The following ZMAT4 variants were observed in gnomAD, a reference collection of about 807,000 sequenced individuals.
ZMAT4 encodes zinc finger matrin-type 4, also known as zinc finger matrin-type protein 4.
A neutral mutation model predicts 28.7 loss-of-function variants in ZMAT4; 17 were observed. That is an observed-to-expected ratio of 0.59 (90% confidence interval 0.41 to 0.89). The LOEUF (loss-of-function observed/expected upper bound fraction) is 0.89. Among genes scored for constraint, ZMAT4 ranks in the 40% least tolerant of loss-of-function variants. ZMAT4 has a pLI of 0.00. For missense variants in ZMAT4, 240 were observed against 283.8 expected, an observed-to-expected ratio of 0.85 and a Z score of 1.11; for synonymous variants, 117 against 109.2, an observed-to-expected ratio of 1.07 and a Z score of -0.44.
intron 5 of ZMAT4, among the ~76,000 whole-genome samples, chr8:40,617,380 A>G (rs1030039306): frequency 6.6e-6 from 1 of 152,220 alleles, no homozygotes; most frequent in Non-Finnish European, 1.5e-5. Flanking sequence ...ATTTTAGACA[A>G]GAAGAACCTA....
intron 3 of ZMAT4, among the ~76,000 whole-genome samples, chr8:40,759,505 C>T (rs941504110): frequency 6.6e-6 from 1 of 152,128 alleles, no homozygotes; most frequent in Non-Finnish European, 1.5e-5. Context: ...CCATATGCCA[C>T]CTGAACTGCC....
chr8:40,866,185 A>T (rs1817671538), intron 1 of ZMAT4, among the ~76,000 whole-genome samples: 1 of 152,214 alleles, frequency 6.6e-6, no homozygotes, highest in Non-Finnish European at 1.5e-5. Context: ...TAAACCAGGG[A>T]TGATGGCTGC....
chr8:40,637,472 G>A (rs954097156), intron 5 of ZMAT4, among the ~76,000 whole-genome samples: 1 of 152,124 alleles, frequency 6.6e-6, no homozygotes, highest in African/African-American at 2.4e-5. Context: ...GGCATTAATA[G>A]GTAATTCCTT....
intron 5 of ZMAT4, among the ~76,000 whole-genome samples, chr8:40,590,461 G>T (rs1002756096): frequency 1.3e-5 from 2 of 151,714 alleles, no homozygotes; most frequent in Non-Finnish European, 2.9e-5. Flanking sequence ...CTCCCCTAAG[G>T]TTTTGTTTAC....
chr8:40,581,344 G>A (rs557776178), intron 5 of ZMAT4, 83 bp from the exon 6 acceptor site: 80 of 1,197,978 alleles, frequency 6.7e-5, no homozygotes, highest in Non-Finnish European at 9.4e-5. Context: ...GAAGTTCAGG[G>A]ACACAGTGTC....
In ZMAT4 at chr8:40,633,084, C is replaced by T. The variant is rs1038299376; in HGVS notation, c.577+41620G>A. 8.0e-5 allele frequency among the ~76,000 whole-genome samples: 12 copies of T among 149,272 alleles called. No individual in the cohort carries two copies. The East Asian group carries it at 8.1e-4, about 10-fold the overall frequency. ...GGGCTGGGAGGGTAGGTTTGGATGACGAGAAGATTACAATTCATTACAGAA... is the reference window on the plus strand; with the variant it reads ...GGGCTGGGAGGGTAGGTTTGGATGATGAGAAGATTACAATTCATTACAGAA... On this transcript the variant is annotated intron_variant, in intron 5 of 6. Transcript: ENST00000297737.
chr8:40,631,479 A>G (rs1165260992), intron 5 of ZMAT4, among the ~76,000 whole-genome samples: 1 of 148,760 alleles, frequency 6.7e-6, no homozygotes, highest in Non-Finnish European at 1.5e-5. Flanking sequence ...CTTTGATGCC[A>G]TTATTTTACA....
chr8:40,569,254 T>G (rs1381540392), intron 6 of ZMAT4, among the ~76,000 whole-genome samples: 4 of 152,184 alleles, frequency 2.6e-5, no homozygotes, highest in Admixed American at 2.0e-4. Context: ...CTCTCCCTAC[T>G]TCCCCAGCAA....
chr8:40,674,615 CAAG>C (rs1181248006), intron 5 of ZMAT4, 86 bp downstream of exon 5: 4 of 1,072,782 alleles, frequency 3.7e-6, no homozygotes, highest in East Asian at 2.4e-5. Context: ...ATAATTAAAG[CAAG>C]AAGAAGAATC....
At chr8:40,846,499 G>A (rs1816904279) in intron 1 of ZMAT4, among the ~76,000 whole-genome samples, 1 of 152,182 alleles carries the variant, frequency 6.6e-6, no homozygotes, top group Admixed American at 6.5e-5. Context: ...CTGGGTGTTT[G>A]ATCACCTCCT....
chr8:40,781,484 C>T (rs988893025), intron 2 of ZMAT4, among the ~76,000 whole-genome samples: 6 of 152,034 alleles, frequency 3.9e-5, no homozygotes, highest in Non-Finnish European at 7.4e-5. Context: ...TAAATAAGGC[C>T]GGGCGCGGTG....
At chr8:40,643,069 A>G (rs916264741) in intron 5 of ZMAT4, among the ~76,000 whole-genome samples, 3 of 152,208 alleles carry the variant, frequency 2.0e-5, no homozygotes, top group Admixed American at 6.5e-5. Flanking sequence ...ATTCTGAGCT[A>G]TGAGGTGCAG....
At chr8:40,705,196 A>C (rs535021814) in intron 3 of ZMAT4, among the ~76,000 whole-genome samples, 37 of 152,326 alleles carry the variant, frequency 2.4e-4, no homozygotes, top group Admixed American at 7.2e-4. Context: ...CATTGAAGAA[A>C]TATTTAAACA....
At chr8:40,554,682 A>G (rs979913256) in intron 6 of ZMAT4, among the ~76,000 whole-genome samples, 2 of 152,134 alleles carry the variant, frequency 1.3e-5, no homozygotes, top group Non-Finnish European at 1.5e-5. Context: ...AATTTAATTG[A>G]TGCATAGTAT....
intron 3 of ZMAT4, among the ~76,000 whole-genome samples, chr8:40,741,000 A>G (rs892097634): frequency 2.7e-5 from 4 of 150,480 alleles, no homozygotes; most frequent in South Asian, 2.1e-4. Context: ...GCGCACACAC[A>G]CACACACACA....
chr8:40,609,322 G>A (rs932116053), intron 5 of ZMAT4, among the ~76,000 whole-genome samples: 1 of 152,204 alleles, frequency 6.6e-6, no homozygotes, highest in Non-Finnish European at 1.5e-5. Context: ...TTGCAGATGA[G>A]TGAAAATCAG....
intron 5 of ZMAT4, among the ~76,000 whole-genome samples, chr8:40,646,222 G>A (rs1377939016): frequency 6.6e-6 from 1 of 151,140 alleles, no homozygotes; most frequent in Non-Finnish European, 1.5e-5. Flanking sequence ...TTCACTACTT[G>A]TTTTCTGTTT....
At chr8:40,789,083 G>A (rs374172405) in intron 2 of ZMAT4, among the ~76,000 whole-genome samples, 1 of 150,880 alleles carries the variant, frequency 6.6e-6, no homozygotes, top group Non-Finnish European at 1.5e-5. Context: ...AGGGAGTGAG[G>A]GAGGGAGGAG....
intron 3 of ZMAT4, among the ~76,000 whole-genome samples, chr8:40,713,490 AT>A (rs1463596099): frequency 3.3e-5 from 5 of 152,226 alleles, no homozygotes; most frequent in South Asian, 2.1e-4. Context: ...TGGCAAAAAA[AT>A]ATTAACCATA....
Sources: allele counts gnomAD v4.1 joint callset (sites outside exome capture counted in the v4.1 genomes callset), GRCh38; gene constraint gnomAD v4.1.1; transcripts MANE v1.5; gene names NCBI Gene and HGNC (gene_info 2026-07-23, HGNC 2026-07-21).